The following NCAM1 variants were observed in gnomAD, a reference collection of about 807,000 sequenced individuals.
The protein encoded by NCAM1 is antigen recognized by monoclonal antibody 5.1H11.
NCAM1 carries 14 observed loss-of-function variants against 109.8 expected under a neutral mutation model. The observed-to-expected ratio is 0.13, with a 90% CI of 0.08 to 0.20. The LOEUF (loss-of-function observed/expected upper bound fraction) is 0.20. NCAM1 is among the 10% of genes least tolerant of loss of function. The pLI is 1.00. For synonymous variants in NCAM1, 418 were observed against 442.9 expected, an observed-to-expected ratio of 0.94 and a Z score of 0.70; for missense variants, 774 against 1,109.9, an observed-to-expected ratio of 0.70 and a Z score of 4.30.
rs150743606 is a variant in NCAM1 at position 112,969,559 on chromosome 11, G to C, written c.52+7895G>C. 3.9e-5 allele frequency among the ~76,000 whole-genome samples: 6 copies of C among 152,016 alleles called. No homozygotes were observed. In the South Asian group the frequency reaches 1.2e-3, roughly 32 times the overall value. ...TCCTGCCATTCTGCAAGTTGCTGTCGTTCTGAGCCTGTTTCCCCATCTGTA... is the reference window on the plus strand; with the variant it reads ...TCCTGCCATTCTGCAAGTTGCTGTCCTTCTGAGCCTGTTTCCCCATCTGTA... On this transcript the variant is annotated intron_variant, in intron 1 of 19. Coordinates refer to ENST00000316851, the MANE Select transcript of NCAM1 (RefSeq NM_181351.5).
intron 1 of NCAM1, among the ~76,000 whole-genome samples, chr11:112,990,789 A>G (rs1263562822): frequency 2.0e-5 from 3 of 152,198 alleles, no homozygotes; most frequent in African/African-American, 7.2e-5. Context: ...GTCTGGAGCT[A>G]GGGCCATGGT....
chr11:113,020,424 T>C (rs1952348428), intron 1 of NCAM1, among the ~76,000 whole-genome samples: 1 of 152,104 alleles, frequency 6.6e-6, no homozygotes, highest in South Asian at 2.1e-4. Context: ...ACCATTCGCT[T>C]CCCCACCCAC....
chr11:113,159,418 G>GT (rs1555103955), intron 1 of NCAM1, among the ~76,000 whole-genome samples: 1 of 151,986 alleles, frequency 6.6e-6, no homozygotes, highest in Non-Finnish European at 1.5e-5. Flanking sequence ...TTGCAGAAAT[G>GT]TTTACAGTGG....
chr11:112,992,797 G>C (rs1231788384), intron 1 of NCAM1, among the ~76,000 whole-genome samples: 1 of 152,036 alleles, frequency 6.6e-6, no homozygotes, highest in Admixed American at 6.6e-5. Context: ...GTGAGCCACC[G>C]CACCCGGCCT....
chr11:113,090,823 G>T (rs1187116586), intron 1 of NCAM1, among the ~76,000 whole-genome samples: 3 of 151,876 alleles, frequency 2.0e-5, no homozygotes, highest in African/African-American at 7.3e-5. Flanking sequence ...ACTGTCATTT[G>T]TTTGTTCAGC....
chr11:113,079,359 A>G (rs1166374036), intron 1 of NCAM1, among the ~76,000 whole-genome samples: 1 of 152,194 alleles, frequency 6.6e-6, no homozygotes, highest in Non-Finnish European at 1.5e-5. Context: ...CCGGGGATCC[A>G]GCTCCAGAGC....
At chr11:112,978,458 TGAATG>T (rs1438661820) in intron 1 of NCAM1, among the ~76,000 whole-genome samples, 1 of 151,834 alleles carries the variant, frequency 6.6e-6, no homozygotes, top group Non-Finnish European at 1.5e-5. Context: ...ACTCAGTGGT[TGAATG>T]TAAACATTGA....
intron 1 of NCAM1, among the ~76,000 whole-genome samples, chr11:113,039,919 T>A (rs1448660261): frequency 6.6e-6 from 1 of 152,176 alleles, no homozygotes; most frequent in Non-Finnish European, 1.5e-5. Flanking sequence ...GGCAGGCAGA[T>A]CATCTGAGGT....
Position 113,244,470 on chromosome 11 carries a change from C to T in NCAM1, c.1826-1898C>T, listed in dbSNP as rs143415581. The stretch of plus-strand genomic sequence containing the variant: ...GATACTGAGATAAAGGAAAGATGCT[C>T]ACAATTGGGCAGCAGCCTGAGTTTA... On this transcript the variant is annotated intron_variant, in intron 14 of 19. Coordinates refer to ENST00000316851, the MANE Select transcript of NCAM1 (RefSeq NM_181351.5). Among the ~76,000 whole-genome samples, 6 of 152,314 alleles carry T rather than the reference C, an allele frequency of 3.9e-5. No individual in the cohort carries two copies. In the East Asian group the frequency reaches 7.7e-4, roughly 20 times the overall value.
At chr11:113,120,582 G>T (rs1940914127) in intron 1 of NCAM1, among the ~76,000 whole-genome samples, 1 of 152,156 alleles carries the variant, frequency 6.6e-6, no homozygotes, top group South Asian at 2.1e-4. Context: ...ATTATCCGAG[G>T]ATATAAGGCT....
At chr11:113,236,162 T>C in intron 14 of NCAM1, 1 of 844,088 alleles carries the variant, frequency 1.2e-6, no homozygotes. Flanking sequence ...TCTCTGGATT[T>C]GAAGTAATTT....
At chr11:113,021,875 A>G (rs183771628) in intron 1 of NCAM1, among the ~76,000 whole-genome samples, 127 of 152,380 alleles carry the variant, frequency 8.3e-4, no homozygotes, top group Admixed American at 1.2e-3. Context: ...GCAAAGGTAG[A>G]TAATTAAACT....
intron 14 of NCAM1, among the ~76,000 whole-genome samples, chr11:113,237,960 A>G (rs1270337616): frequency 7.0e-6 from 1 of 143,150 alleles, no homozygotes; most frequent in Non-Finnish European, 1.5e-5. Flanking sequence ...ATATATAGAT[A>G]GATAGATAGA....
At chr11:113,169,223 G>A (rs548896493) in intron 1 of NCAM1, among the ~76,000 whole-genome samples, 1 of 152,202 alleles carries the variant, frequency 6.6e-6, no homozygotes, top group South Asian at 2.1e-4. Flanking sequence ...TGGTTTAATG[G>A]GCAGCTAGAC....
chr11:113,202,293 C>A, intron 1 of NCAM1, 86 bp from the exon 2 acceptor site: 3 of 1,328,414 alleles, frequency 2.3e-6, no homozygotes, highest in South Asian at 1.4e-5. Flanking sequence ...GGGTTTCATT[C>A]TTGAACATTG....
chr11:113,153,353 A>AT (rs1386118477), intron 1 of NCAM1, among the ~76,000 whole-genome samples: 15 of 152,068 alleles, frequency 9.9e-5, no homozygotes, highest in Admixed American at 2.0e-4. Context: ...AATGTCTGTG[A>AT]TTTAAAGGAA....
At position 113,233,004 on chromosome 11, in the gene NCAM1, G is replaced by A; in HGVS notation, c.1523-143G>A. 1.0e-6 allele frequency: 1 copy of A among 972,552 alleles called. No individual in the cohort carries two copies. The highest frequency in any genetic ancestry group is 1.5e-6 in the Non-Finnish European group (1 of 653,062). The allele number at this position is 972,552 out of a possible 1,614,324, so 60.2% of individuals were successfully genotyped here. A position where few individuals can be genotyped will look rare whatever the true frequency, so the allele number is the denominator to read the frequency against. ...GGGCATGTTGGGGGAGAAGCATCTG[G>A]TGAGATGGGCCAGGAGGACAGGATA... is the stretch of plus-strand genomic sequence containing the variant. On this transcript the variant is annotated intron_variant, in intron 12 of 19. Transcript: ENST00000316851. The surrounding 1 kb of genome is among the most constrained non-coding windows in gnomAD (Gnocchi z 4.5).
intron 1 of NCAM1, among the ~76,000 whole-genome samples, chr11:113,176,984 A>T (rs1555107147): frequency 1.3e-5 from 2 of 152,202 alleles, no homozygotes; most frequent in Non-Finnish European, 2.9e-5. Context: ...ACCAGGAATT[A>T]TAAACTTGAC....
chr11:113,255,467 G>A (rs537997975), intron 15 of NCAM1, among the ~76,000 whole-genome samples: 1 of 152,112 alleles, frequency 6.6e-6, no homozygotes, highest in Admixed American at 6.5e-5. Flanking sequence ...TTATAGGTGG[G>A]AGTTTCCTAC....
Sources: gnomAD v4.1 joint callset for allele counts (sites outside exome capture counted in the v4.1 genomes callset) on GRCh38, gnomAD v4.1.1 for gene constraint, Gnocchi (gnomAD v3.1) non-coding constraint, MANE v1.5 for transcripts, NCBI Gene and HGNC (gene_info 2026-07-23, HGNC 2026-07-21) for gene names.